CNKSR2: variants seen among roughly 807,000 people sequenced by gnomAD.
CNKSR2 encodes the protein CNK homolog protein 2.
A neutral mutation model predicts 84.4 loss-of-function variants in CNKSR2; 14 were observed. The ratio of observed to expected loss-of-function variants is 0.17; its 90% CI spans 0.11 to 0.26. The LOEUF (loss-of-function observed/expected upper bound fraction) is 0.26. Ranked by LOEUF, CNKSR2 falls within the 10% of genes least tolerant of loss-of-function variation. CNKSR2 has a pLI of 1.00. For synonymous variants in CNKSR2, 275 were observed against 277.9 expected (o/e 0.99, Z 0.10); for missense variants, 485 against 771.2 (o/e 0.63, Z 4.40).
chrX:21,441,674 C>T (rs940661981), intron 4 of CNKSR2, among the ~76,000 whole-genome samples: 1 of 111,570 alleles, frequency 9.0e-6, no homozygotes. Context: ...CCATTATATA[C>T]ATACTAATCA....
At chrX:21,597,068 G>A (rs758076303) in intron 17 of CNKSR2, among the ~76,000 whole-genome samples, 10 of 111,603 alleles carry the variant, frequency 9.0e-5, no homozygotes, top group East Asian at 2.8e-4. Flanking sequence ...TGAGCATATC[G>A]TATCTTACAA....
chrX:21,476,221 A>G (rs1194373797), intron 5 of CNKSR2, among the ~76,000 whole-genome samples: 1 of 111,459 alleles, frequency 9.0e-6, no homozygotes, highest in Non-Finnish European at 1.9e-5. Flanking sequence ...TATTACCTGT[A>G]TTAAAAAAGA....
At chrX:21,616,374 A>G (rs1470156670) in intron 20 of CNKSR2, among the ~76,000 whole-genome samples, 1 of 112,055 alleles carries the variant, frequency 8.9e-6, no homozygotes, top group African/African-American at 3.2e-5. Flanking sequence ...TGAATGAGTA[A>G]TAGCTAACCC....
chrX:21,452,036 A>C (rs976610882), intron 4 of CNKSR2, among the ~76,000 whole-genome samples: 1 of 111,442 alleles, frequency 9.0e-6, no homozygotes, highest in Admixed American at 9.5e-5. Flanking sequence ...CAAGACAGCT[A>C]TTAAAGTTAC....
At chrX:21,382,252 C>A (rs1419057210) in intron 1 of CNKSR2, among the ~76,000 whole-genome samples, 1 of 111,572 alleles carries the variant, frequency 9.0e-6, no homozygotes, top group Non-Finnish European at 1.9e-5. Flanking sequence ...AGTTGTAGTG[C>A]TCTAGCCAAT....
At chrX:21,522,195 G>A (rs1159844281) in intron 9 of CNKSR2, among the ~76,000 whole-genome samples, 1 of 110,916 alleles carries the variant, frequency 9.0e-6, no homozygotes, top group Non-Finnish European at 1.9e-5. Flanking sequence ...GGACTTATGT[G>A]AATGTTCTGT....
intron 20 of CNKSR2, among the ~76,000 whole-genome samples, chrX:21,627,336 C>CA (rs374302314): frequency 0.036 from 3,507 of 96,454 alleles, 141 homozygotes; most frequent in African/African-American, 0.11. Context: ...ACTAAAAATA[C>CA]AAAAAAAAAA....
chrX:21,449,245 A>G (rs2090893830), intron 4 of CNKSR2, among the ~76,000 whole-genome samples: 1 of 101,864 alleles, frequency 9.8e-6, no homozygotes, highest in Non-Finnish European at 2.0e-5. Context: ...CGGAGGTTGC[A>G]GCGAGCCGAG....
At chrX:21,439,905 A>G (rs1040429123) in intron 3 of CNKSR2, among the ~76,000 whole-genome samples, 2 of 110,432 alleles carry the variant, frequency 1.8e-5, no homozygotes, top group Non-Finnish European at 3.8e-5. Flanking sequence ...AACTTTTCCT[A>G]TATCATTTTT....
intron 20 of CNKSR2, among the ~76,000 whole-genome samples, chrX:21,620,718 AT>A (rs1332602979): frequency 2.7e-5 from 3 of 111,485 alleles, no homozygotes; most frequent in African/African-American, 9.8e-5. Flanking sequence ...CAGAGCAAGC[AT>A]TTGAAAGCCT....
intron 15 of CNKSR2, 95 bp downstream of exon 15, chrX:21,591,289 T>C (rs2092419019): frequency 2.9e-6 from 2 of 699,503 alleles, no homozygotes. Flanking sequence ...ATAATCACCT[T>C]AAGGCCAATT....
intron 13 of CNKSR2, among the ~76,000 whole-genome samples, chrX:21,582,926 T>A (rs2092362239): frequency 9.0e-6 from 1 of 111,654 alleles, no homozygotes; most frequent in African/African-American, 3.3e-5. Flanking sequence ...CTTCAGAATC[T>A]GATACATATG....
At chrX:21,397,125 GC>G (rs1272484058) in intron 1 of CNKSR2, among the ~76,000 whole-genome samples, 2 of 110,963 alleles carry the variant, frequency 1.8e-5, no homozygotes, top group Non-Finnish European at 3.8e-5. Context: ...ATCTCTGTGG[GC>G]TATGACTCAA....
chrX:21,502,733 G>A (rs2091571931), intron 8 of CNKSR2, among the ~76,000 whole-genome samples: 1 of 111,480 alleles, frequency 9.0e-6, no homozygotes, highest in South Asian at 3.7e-4. Context: ...AGTAAAAGTT[G>A]GTAAACGTTT....
intron 9 of CNKSR2, among the ~76,000 whole-genome samples, chrX:21,525,425 C>T (rs1337501899): frequency 1.8e-5 from 2 of 110,926 alleles, no homozygotes; most frequent in Non-Finnish European, 1.9e-5. Flanking sequence ...TTAAAAATAT[C>T]GTATAAGGTG....
chrX:21,632,720 C>T (rs1198436803), intron 20 of CNKSR2, among the ~76,000 whole-genome samples: 1 of 111,449 alleles, frequency 9.0e-6, no homozygotes, highest in Non-Finnish European at 1.9e-5. Context: ...GTCACTAAAT[C>T]CAATATTAGT....
At chrX:21,437,485 T>C (rs1249148348) in intron 3 of CNKSR2, among the ~76,000 whole-genome samples, 1 of 101,842 alleles carries the variant, frequency 9.8e-6, no homozygotes, top group Non-Finnish European at 2.0e-5. Context: ...AGTGGCGTGA[T>C]CTCGGCTCAC....
intron 5 of CNKSR2, among the ~76,000 whole-genome samples, chrX:21,485,107 C>T (rs1208357422): frequency 9.0e-6 from 1 of 110,830 alleles, no homozygotes; most frequent in Non-Finnish European, 1.9e-5. Context: ...AGCTTGAACC[C>T]GGGAGGTGGA....
intron 1 of CNKSR2, 119 bp from the exon 2 acceptor site, chrX:21,426,378 G>A (rs2048669661): frequency 6.3e-6 from 4 of 639,166 alleles, no homozygotes; most frequent in African/African-American, 2.2e-5. Context: ...GGCTAGTTCA[G>A]AGTTAAAATG....
Sources: allele counts gnomAD v4.1 joint callset (sites outside exome capture counted in the v4.1 genomes callset), GRCh38; gene constraint gnomAD v4.1.1; transcripts MANE v1.5; gene names NCBI Gene and HGNC (gene_info 2026-07-23, HGNC 2026-07-21).